The following COL4A2 variants were observed in gnomAD, a reference collection of about 807,000 sequenced individuals.
COL4A2 encodes the protein collagen type IV alpha 2 chain.
COL4A2 carries 99 observed loss-of-function variants against 200.2 expected under a neutral mutation model. The ratio of observed to expected loss-of-function variants is 0.49; its 90% confidence interval spans 0.42 to 0.58. The LOEUF is 0.58. Ranked by LOEUF, COL4A2 falls within the 20% of genes least tolerant of loss-of-function variation. The pLI is 0.00. For missense variants in COL4A2, 1,950 were observed against 2,314.1 expected, an observed-to-expected ratio of 0.84 and a Z score of 3.23; for synonymous variants, 897 against 900.6, an observed-to-expected ratio of 1.00 and a Z score of 0.07.
rs757391857 is a variant in COL4A2 at position 110,458,852 on chromosome 13, C to T, written c.1514C>T (p.Ala505Val). The part of the protein sequence containing the change: ...LPGLPGPKGF[A>V]GINGEPGRKG... ...GGACTGCCAGGACCCAAGGGCTTCG[C>T]AGGCATCAACGGGGAGCCGGGGAGG... The change falls in exon 22 of 48, where the codon GCA becomes GTA. Residue 505 changes from alanine to valine, a missense_variant. This residue lies in a region of COL4A2 where 1,385 missense variants were observed against 1,720.5 expected (regional missense o/e 0.80). Transcript: ENST00000360467. 6.2e-7 allele frequency: 1 copy of T among 1,613,502 alleles called. No individual in the cohort carries two copies. The highest frequency in any genetic ancestry group is 8.5e-7 in the Non-Finnish European group (1 of 1,179,714).
chr13:110,386,308 C>T (rs1166443346), intron 4 of COL4A2, among the ~76,000 whole-genome samples: 3 of 152,186 alleles, frequency 2.0e-5, no homozygotes, highest in Non-Finnish European at 2.9e-5. Flanking sequence ...CCAAGGTTTT[C>T]GGACACATGC....
chr13:110,364,399 A>C (rs556930236), intron 4 of COL4A2, among the ~76,000 whole-genome samples: 3 of 152,146 alleles, frequency 2.0e-5, no homozygotes, highest in Non-Finnish European at 4.4e-5. Context: ...TCAAATCCTC[A>C]ATGGTGTTAT....
intron 29 of COL4A2, 101 bp from the exon 30 acceptor site, chr13:110,477,902 A>G (rs1298408679): frequency 4.2e-6 from 5 of 1,198,142 alleles, no homozygotes; most frequent in Non-Finnish European, 5.5e-6. Flanking sequence ...CCAGAAAAGC[A>G]TGAATTGCTC....
chr13:110,421,907 G>A (rs1258243646), intron 4 of COL4A2, among the ~76,000 whole-genome samples: 1 of 152,210 alleles, frequency 6.6e-6, no homozygotes, highest in Non-Finnish European at 1.5e-5. Flanking sequence ...ATTGAGGAAG[G>A]GTTGACGAAT....
In COL4A2 at chr13:110,505,345, G is replaced by A. The variant is rs139449329; in HGVS notation, c.4403-1070G>A. On this transcript the variant is annotated intron_variant, in intron 45 of 47. Transcript: ENST00000360467. ...AGCCTGGGGGACAGAGCGAGACTCC[G>A]TCTCAAAAAAAAAAAAGAAAATTAA... Among the ~76,000 whole-genome samples the A allele has an allele frequency of 3.1e-4, 47 of 151,180 alleles. No individual in the cohort carries two copies. The East Asian group carries it at 4.3e-3, about 14-fold the overall frequency.
At chr13:110,456,443 A>G (rs1207711554) in intron 20 of COL4A2, 4 of 303,048 alleles carry the variant, frequency 1.3e-5, no homozygotes, top group Non-Finnish European at 2.6e-5. Context: ...AGAAGTGTGT[A>G]GCAGTCTTGG....
chr13:110,312,363 A>C (rs1020232567), intron 3 of COL4A2, among the ~76,000 whole-genome samples: 1 of 152,216 alleles, frequency 6.6e-6, no homozygotes, highest in African/African-American at 2.4e-5. Flanking sequence ...CCAGAGAGAG[A>C]GAGGTGAAGA....
At chr13:110,458,728 G>C (rs1881881865) in intron 21 of COL4A2, 43 bp from the exon 22 acceptor site, 1 of 1,612,218 alleles carries the variant, frequency 6.2e-7, no homozygotes, top group Non-Finnish European at 8.5e-7. Context: ...GCCACGCTAA[G>C]AGGAATGCGG....
At chr13:110,314,587 G>T (rs1304523431) in intron 3 of COL4A2, among the ~76,000 whole-genome samples, 1 of 152,204 alleles carries the variant, frequency 6.6e-6, no homozygotes, top group Non-Finnish European at 1.5e-5. Context: ...GGGAGGCCCG[G>T]TGGAGCTGTC....
chr13:110,412,841 G>C (rs369906647), intron 4 of COL4A2, among the ~76,000 whole-genome samples: 1 of 152,206 alleles, frequency 6.6e-6, no homozygotes, highest in African/African-American at 2.4e-5. Flanking sequence ...GATGCTGAGC[G>C]CGGGCCTCAC....
rs190607934 is a variant in COL4A2, at chr13:110,367,434, A to G, written c.180+9882A>G. ...GAATAAAGAAACCGAAGGTTGGATG[A>G]ATTCTATAGTTAGGTTGGTCTCTCT... On this transcript the variant is annotated intron_variant, in intron 4 of 47. Transcript: ENST00000360467. Among the ~76,000 whole-genome samples, 320 of 152,356 alleles carry G rather than the reference A, an allele frequency of 2.1e-3. 1 individual carries two copies. The highest frequency in any genetic ancestry group is 4.6e-3 in the South Asian group (22 of 4,826).
chr13:110,391,534 T>A (rs1878980734), intron 4 of COL4A2, among the ~76,000 whole-genome samples: 1 of 152,164 alleles, frequency 6.6e-6, no homozygotes, highest in Non-Finnish European at 1.5e-5. Context: ...ATTAAGAATG[T>A]TTATGAAGAA....
chr13:110,424,924 T>C, intron 5 of COL4A2, 29 bp from the exon 6 acceptor site: 1 of 1,614,232 alleles, frequency 6.2e-7, no homozygotes, highest in Non-Finnish European at 8.5e-7. Context: ...TATCTCAGCC[T>C]TGGTTAATTG....
intron 4 of COL4A2, among the ~76,000 whole-genome samples, chr13:110,415,772 T>C (rs2139444981): frequency 1.3e-5 from 2 of 152,338 alleles, no homozygotes; most frequent in East Asian, 3.9e-4. Flanking sequence ...AGCCCGCCTT[T>C]GGAAGGCCAC....
At chr13:110,463,915 A>C (rs1033223243) in intron 24 of COL4A2, among the ~76,000 whole-genome samples, 2 of 152,174 alleles carry the variant, frequency 1.3e-5, no homozygotes, top group African/African-American at 4.8e-5. Flanking sequence ...TAAAAATCTC[A>C]TCTGGGAGGC....
intron 4 of COL4A2, among the ~76,000 whole-genome samples, chr13:110,398,002 G>A (rs971600733): frequency 2.0e-5 from 3 of 152,040 alleles, no homozygotes; most frequent in African/African-American, 4.8e-5. Flanking sequence ...ACAGATGCAG[G>A]CTAAAGCGAA....
chr13:110,512,002 C>G lies in COL4A2; in HGVS notation c.4950C>G (p.Phe1650Leu). ...LVSPGSCLED[F>L]RATPFIECNG... is the part of the protein sequence containing the mutation. Reference sequence around the variant, plus strand: ...CACCGGGCAGCTGTCTAGAGGACTTCCGCGCCACACCATTCATCGAATGCA... The same window carrying G: ...CACCGGGCAGCTGTCTAGAGGACTTGCGCGCCACACCATTCATCGAATGCA... Residue 1650 changes from phenylalanine (F) to leucine (L), a missense_variant, in exon 48 of 48, where the codon TTC becomes TTG. By Grantham distance (22) the Phe-to-Leu change is conservative. Transcript: ENST00000360467. The G allele has an allele frequency of 4.3e-6, 7 of 1,613,600 alleles. No individual in the cohort carries two copies. Among genetic ancestry groups the G allele is most frequent in the Non-Finnish European group, 5.9e-6 (7 of 1,180,052 alleles).
In COL4A2 at chr13:110,357,697, T is replaced by G. The variant is rs940648534; in HGVS notation, c.180+145T>G. ...TGGAGAGTACTCACACAAACCTAGA[T>G]GGCCGGGCCTACTACACACCCGGCT... On this transcript the variant is annotated intron_variant, in intron 4 of 47. Transcript: ENST00000360467. 1.6e-5 allele frequency: 20 copies of G among 1,237,014 alleles called. No individual in the cohort carries two copies. The African/African-American group carries it at 2.6e-4, about 16-fold the overall frequency. The allele number at this position is 1,237,014 out of a possible 1,614,324, so 76.6% of individuals were successfully genotyped here. A position where few individuals can be genotyped will look rare whatever the true frequency, so the allele number is the denominator to read the frequency against.
rs375374111 is a variant in COL4A2, at chr13:110,408,113, T to C, written c.181-16621T>C. ...GGGGAAGAGAGCAGCAAAACTCCAATGTTGAGCAGAACAGGAATCAGGAAG... is the reference window on the plus strand; with the variant it reads ...GGGGAAGAGAGCAGCAAAACTCCAACGTTGAGCAGAACAGGAATCAGGAAG... On this transcript the variant is annotated intron_variant, in intron 4 of 47. Coordinates refer to ENST00000360467, the MANE Select transcript of COL4A2 (RefSeq NM_001846.4). Among the ~76,000 whole-genome samples, 39 of 152,016 alleles carry C rather than the reference T, an allele frequency of 2.6e-4. No individual in the cohort carries two copies. The South Asian group carries it at 8.1e-3, about 32-fold the overall frequency.
Sources: gnomAD v4.1 joint callset for allele counts (sites outside exome capture counted in the v4.1 genomes callset) on GRCh38, gnomAD v4.1.1 for gene constraint, gnomAD v4.1.1 regional missense constraint, MANE v1.5 for transcripts, NCBI Gene and HGNC (gene_info 2026-07-23, HGNC 2026-07-21) for gene names.